Variants in CTDSPL observed in about 807,000 individuals in gnomAD.
CTDSPL encodes CTD small phosphatase-like protein.
Under a neutral mutation model 30.5 loss-of-function variants are expected in CTDSPL, and 8 were observed. That is an observed-to-expected ratio of 0.26 (90% confidence interval 0.15 to 0.47). The LOEUF (loss-of-function observed/expected upper bound fraction) is 0.47. Among genes scored for constraint, CTDSPL ranks in the 20% least tolerant of loss-of-function variants. The pLI, the probability that CTDSPL is intolerant of heterozygous loss-of-function variation, is 0.99. For missense variants in CTDSPL, 248 were observed against 366.1 expected, an observed-to-expected ratio of 0.68 and a Z score of 2.63; for synonymous variants, 110 against 137.9, an observed-to-expected ratio of 0.80 and a Z score of 1.42.
chr3:37,923,805 TA>T (rs1698747981), intron 1 of CTDSPL, among the ~76,000 whole-genome samples: 1 of 151,886 alleles, frequency 6.6e-6, no homozygotes, highest in South Asian at 2.1e-4. Flanking sequence ...TTTTTTTTTT[TA>T]ATGAAACAAC....
chr3:37,903,995 A>G (rs1186261762), intron 1 of CTDSPL, among the ~76,000 whole-genome samples: 2 of 151,744 alleles, frequency 1.3e-5, no homozygotes, highest in Non-Finnish European at 2.9e-5. Context: ...CCAAGATGGC[A>G]CTCCCCTCCT....
intron 6 of CTDSPL, 140 bp downstream of exon 6, chr3:37,971,639 G>T: frequency 1.4e-6 from 1 of 714,800 alleles, no homozygotes; most frequent in Admixed American, 2.2e-5. Context: ...CAGATGGGAT[G>T]GATGCAGGCC....
intron 1 of CTDSPL, among the ~76,000 whole-genome samples, chr3:37,895,537 G>T (rs1698381007): frequency 6.6e-6 from 1 of 152,124 alleles, no homozygotes; most frequent in African/African-American, 2.4e-5. Flanking sequence ...CATGGCACTG[G>T]TGGCAGCCTG....
intron 1 of CTDSPL, among the ~76,000 whole-genome samples, chr3:37,930,419 G>A (rs1259437368): frequency 6.6e-6 from 1 of 151,780 alleles, no homozygotes; most frequent in African/African-American, 2.4e-5. Context: ...ACACCACCAT[G>A]CCCAGCTAAT....
chr3:37,971,697 G>T (rs534087447), intron 6 of CTDSPL, among the ~76,000 whole-genome samples, 198 bp downstream of exon 6: 8 of 152,372 alleles, frequency 5.3e-5, no homozygotes, highest in Admixed American at 3.3e-4. Context: ...CATGGTGACA[G>T]GGAGCACTTA....
chr3:37,953,139 T>A (rs1168560692), intron 2 of CTDSPL, among the ~76,000 whole-genome samples: 1 of 152,254 alleles, frequency 6.6e-6, no homozygotes, highest in African/African-American at 2.4e-5. Flanking sequence ...ATCTTACTAA[T>A]CCTTCAAAAT....
At chr3:37,913,142 A>G (rs976787790) in intron 1 of CTDSPL, among the ~76,000 whole-genome samples, 2 of 152,054 alleles carry the variant, frequency 1.3e-5, no homozygotes, top group African/African-American at 4.8e-5. Flanking sequence ...GCAACATGGC[A>G]AAACCCCATC....
At chr3:37,971,317 T>C (rs755330449) in intron 5 of CTDSPL, 90 bp from the exon 6 acceptor site, 53 of 1,147,366 alleles carry the variant, frequency 4.6e-5, no homozygotes, top group Non-Finnish European at 6.6e-5. Context: ...GGAACCTTTG[T>C]AGCAATTCTT....
At chr3:37,951,069 T>TA (rs1345203334) in intron 2 of CTDSPL, among the ~76,000 whole-genome samples, 5 of 152,122 alleles carry the variant, frequency 3.3e-5, no homozygotes, top group African/African-American at 7.2e-5. Context: ...ATACAATTAT[T>TA]AAAAATGTTA....
intron 1 of CTDSPL, among the ~76,000 whole-genome samples, chr3:37,880,279 G>T (rs556773071): frequency 6.6e-6 from 1 of 151,940 alleles, no homozygotes; most frequent in Non-Finnish European, 1.5e-5. Flanking sequence ...AAATAGTAGC[G>T]CCAGGAGGCA....
chr3:37,871,203 CAT>C (rs1267341992), intron 1 of CTDSPL, among the ~76,000 whole-genome samples: 2 of 152,174 alleles, frequency 1.3e-5, no homozygotes, highest in Admixed American at 6.5e-5. Flanking sequence ...TACTTGGAAT[CAT>C]ATAGTATGTA....
chr3:37,931,734 A>AT (rs946378391), intron 1 of CTDSPL, among the ~76,000 whole-genome samples: 1 of 151,738 alleles, frequency 6.6e-6, no homozygotes, highest in African/African-American at 2.4e-5. Flanking sequence ...ATAATAATCA[A>AT]TTTTCAGCTG....
intron 1 of CTDSPL, among the ~76,000 whole-genome samples, chr3:37,905,190 A>C (rs1295452390): frequency 1.3e-5 from 2 of 152,262 alleles, no homozygotes; most frequent in Non-Finnish European, 2.9e-5. Flanking sequence ...ATATCTACAT[A>C]AGATTAATCA....
intron 1 of CTDSPL, among the ~76,000 whole-genome samples, chr3:37,946,145 C>T (rs551133175): frequency 5.6e-4 from 86 of 152,368 alleles, no homozygotes; most frequent in Middle Eastern, 3.4e-3. Context: ...GGGACAGTCC[C>T]GGCTGCATTC....
intron 1 of CTDSPL, among the ~76,000 whole-genome samples, chr3:37,894,320 CG>C (rs1698367396): frequency 6.6e-6 from 1 of 151,852 alleles, no homozygotes. Flanking sequence ...TTGCCCAGGC[CG>C]ATCTCAAACT....
intron 1 of CTDSPL, among the ~76,000 whole-genome samples, chr3:37,935,130 T>C (rs1698900229): frequency 6.6e-6 from 1 of 152,230 alleles, no homozygotes; most frequent in Non-Finnish European, 1.5e-5. Flanking sequence ...TTTTATTAAC[T>C]ATTCCTACTC....
At position 37,862,284 on chromosome 3, in the gene CTDSPL, G is replaced by T. The variant is rs1451810400; in HGVS notation, c.79+6G>T. 1 of 1,491,052 alleles carries T rather than the reference G, an allele frequency of 6.7e-7. No homozygotes were observed. The highest frequency in any genetic ancestry group is 8.9e-7 in the Non-Finnish European group (1 of 1,123,760). The allele number at this position is 1,491,052 out of a possible 1,614,324, so 92.4% of individuals were successfully genotyped here. On this transcript the variant is annotated splice_donor_region_variant and intron_variant, in intron 1 of 7. Transcript: ENST00000273179. This position sits in a 1 kb window ranked among gnomAD's most constrained non-coding sequence, Gnocchi z 4.3. ...GCCGGGCGCGGGCGAGAAAGGTGAG[G>T]AGGGGCGCAGGCGGCCGCGGGCTGG...
At position 37,960,533 on chromosome 3, in the gene CTDSPL, T is replaced by TACAC. The variant is rs1168321790; in HGVS notation, c.267+3391_267+3392insCACA. On this transcript the variant is annotated intron_variant, in intron 3 of 7. Transcript: ENST00000273179. ...ATATATATATATATATATATATATATATACACACACACACACACACACACA... is the reference window on the plus strand; with the variant it reads ...ATATATATATATATATATATATATATACACATACACACACACACACACACACACA... Among the ~76,000 whole-genome samples, 240 of 33,502 alleles carry TACAC rather than the reference T, an allele frequency of 7.2e-3. 2 individuals are homozygous for TACAC. Among genetic ancestry groups the TACAC allele is most frequent in the Non-Finnish European group, 8.8e-3 (172 of 19,644 alleles). The allele number at this position is 33,502 out of a possible 152,430, so 22.0% of individuals were successfully genotyped here.
chr3:37,885,146 G>A (rs899582271), intron 1 of CTDSPL, among the ~76,000 whole-genome samples: 2 of 152,200 alleles, frequency 1.3e-5, no homozygotes, highest in Admixed American at 6.5e-5. Flanking sequence ...AAATCCTTGG[G>A]AGAAGAGTGA....
Sources: allele counts gnomAD v4.1 joint callset (sites outside exome capture counted in the v4.1 genomes callset), GRCh38; gene constraint gnomAD v4.1.1; non-coding constraint Gnocchi (gnomAD v3.1); transcripts MANE v1.5; gene names NCBI Gene and HGNC (gene_info 2026-07-23, HGNC 2026-07-21).